Variants in ATG16L2 observed in about 807,000 individuals in gnomAD.
ATG16L2 encodes the protein autophagy related 16 like 2.
In ATG16L2, 77 loss-of-function variants were observed where a neutral mutation model predicts 84.7. That is an observed-to-expected ratio of 0.91 (90% CI 0.76 to 1.10). ATG16L2 has a LOEUF of 1.10. Ranked by LOEUF, ATG16L2 falls within the 50% of genes least tolerant of loss-of-function variation. The pLI is 0.00. For synonymous variants in ATG16L2, 361 were observed against 342.8 expected (o/e 1.05, Z -0.59); for missense variants, 782 against 817.6 (o/e 0.96, Z 0.53).
chr11:72,817,367 T>C (rs1054654870), intron 2 of ATG16L2, among the ~76,000 whole-genome samples: 5 of 152,040 alleles, frequency 3.3e-5, no homozygotes, highest in African/African-American at 1.2e-4. Context: ...TCCTGGAACG[T>C]GCACCACCAC....
At chr11:72,824,371 C>T in intron 8 of ATG16L2, 1 of 584,924 alleles carries the variant, frequency 1.7e-6, no homozygotes, top group Non-Finnish European at 3.0e-6. Flanking sequence ...CCAAGAGCTC[C>T]AGCCTCAGGC....
At position 72,822,397 on chromosome 11, in the gene ATG16L2, C is replaced by G; in HGVS notation, c.645-81C>G. ...GAAGGGAGGGGGGCAGCAGCCGCCC[C>G]CTGGAGGAAGGGACCGGGTCTAGCC... On this transcript the variant is annotated intron_variant, in intron 5 of 17. Transcript: ENST00000321297. The surrounding 1 kb of genome is among the most constrained non-coding windows in gnomAD (Gnocchi z 4.2). 6.3e-7 allele frequency: 1 copy of G among 1,598,686 alleles called. No homozygotes were observed. Among genetic ancestry groups the G allele is most frequent in the Non-Finnish European group, 8.5e-7 (1 of 1,172,716 alleles).
chr11:72,830,830 A>G (rs986873168), downstream of ATG16L2, among the ~76,000 whole-genome samples: 3 of 151,978 alleles, frequency 2.0e-5, no homozygotes, highest in South Asian at 2.1e-4. Flanking sequence ...ATGTCTCACT[A>G]TGTTGCCCAG....
At chr11:72,829,069 TC>T in intron 17 of ATG16L2, 85 bp downstream of exon 17, 1 of 1,399,372 alleles carries the variant, frequency 7.1e-7, no homozygotes. Flanking sequence ...GACCCTGGAG[TC>T]CCCAGCCCTT....
chr11:72,819,881 G>A (rs1033965728), intron 3 of ATG16L2, among the ~76,000 whole-genome samples: 6 of 152,048 alleles, frequency 3.9e-5, no homozygotes, highest in Non-Finnish European at 8.8e-5. Flanking sequence ...GAGTAGCTGG[G>A]ACTACAGGCG....
downstream of ATG16L2, among the ~76,000 whole-genome samples, chr11:72,832,901 T>A (rs1860638084): frequency 1.3e-5 from 2 of 152,166 alleles, 1 homozygote; most frequent in Admixed American, 1.3e-4. Context: ...TTCCAGGCGC[T>A]CATATCCCCA....
intron 1 of ATG16L2, among the ~76,000 whole-genome samples, chr11:72,815,343 A>G (rs1859645939): frequency 6.6e-6 from 1 of 152,110 alleles, no homozygotes; most frequent in East Asian, 1.9e-4. Context: ...CCACAATCAA[A>G]TCTGCTCTTA....
Position 72,817,932 on chromosome 11 carries a change from G to A in ATG16L2, c.318+77G>A. 3 of 1,264,422 alleles carry A rather than the reference G, an allele frequency of 2.4e-6. No individual in the cohort carries two copies. The South Asian group carries it at 4.1e-5, about 17-fold the overall frequency. The allele number at this position is 1,264,422 out of a possible 1,614,324, so 78.3% of individuals were successfully genotyped here. A position where few individuals can be genotyped will look rare whatever the true frequency, so the allele number is the denominator to read the frequency against. ...GCCAGCCAGTGACGGGTACTCCTGTGTTTGCTGAATTCTCCAAGCCCAGTG... is the reference window on the plus strand; with the variant it reads ...GCCAGCCAGTGACGGGTACTCCTGTATTTGCTGAATTCTCCAAGCCCAGTG... On this transcript the variant is annotated intron_variant, in intron 3 of 17. Coordinates refer to ENST00000321297, the MANE Select transcript of ATG16L2 (RefSeq NM_033388.2).
chr11:72,817,919 C>G, intron 3 of ATG16L2, 64 bp downstream of exon 3: 2 of 1,402,230 alleles, frequency 1.4e-6, no homozygotes, highest in East Asian at 4.7e-5. Context: ...CAGCCAGTGA[C>G]GGGTACTCCT....
intron 10 of ATG16L2, among the ~76,000 whole-genome samples, chr11:72,825,626 A>G (rs576197786): frequency 6.6e-6 from 1 of 152,186 alleles, no homozygotes; most frequent in Admixed American, 6.5e-5. Flanking sequence ...GATTTGCAGG[A>G]TGGGGAGGGC....
Position 72,822,163 on chromosome 11 carries a change from G to C in ATG16L2, c.512G>C (p.Arg171Pro). 6.7e-7 allele frequency: 1 copy of C among 1,491,370 alleles called. No homozygotes were observed. Among genetic ancestry groups the C allele is most frequent in the Non-Finnish European group, 8.8e-7 (1 of 1,131,222 alleles). The allele number at this position is 1,491,370 out of a possible 1,614,324, so 92.4% of individuals were successfully genotyped here. A position where few individuals can be genotyped will look rare whatever the true frequency, so the allele number is the denominator to read the frequency against. The change falls in exon 5 of 18, where the codon CGC (arginine) becomes CCC (proline). Residue 171 changes from arginine to proline, a missense_variant. Transcript: ENST00000321297. This position sits in a 1 kb window ranked among gnomAD's most constrained non-coding sequence, Gnocchi z 4.2. ...CAGCGGGCAGCCTACGAGGCGCTGC[G>C]CGCGCACGTCGGGCTCCGGGAGGCG... ...AVQRAAYEAL[R>P]AHVGLREAAL... is the part of the protein sequence containing the mutation.
At position 72,824,021 on chromosome 11, in the gene ATG16L2, A is replaced by G. The variant is rs780150270; in HGVS notation, c.825-39A>G. 3.1e-6 allele frequency: 5 copies of G among 1,610,780 alleles called. No individual in the cohort carries two copies. In the Admixed American group the frequency reaches 8.3e-5, roughly 27 times the overall value. ...ATGGACAGCCATTTGTACACACACC[A>G]GCCAGTCCCTTAGCATATCTCTCTT... On this transcript the variant is annotated intron_variant, in intron 7 of 17. Coordinates refer to ENST00000321297, the MANE Select transcript of ATG16L2 (RefSeq NM_033388.2).
chr11:72,826,114 T>C, intron 10 of ATG16L2, 59 bp from the exon 11 acceptor site: 1 of 1,409,754 alleles, frequency 7.1e-7, no homozygotes, highest in South Asian at 1.2e-5. Flanking sequence ...CAATCCCAAT[T>C]CCTCCATTTT....
intron 7 of ATG16L2, chr11:72,823,762 G>A (rs774270734): frequency 1.9e-6 from 1 of 525,022 alleles, no homozygotes. Flanking sequence ...TCTCCTCCCT[G>A]TAGGCCCCGG....
chr11:72,820,858 C>T (rs1227343841), intron 3 of ATG16L2, among the ~76,000 whole-genome samples: 2 of 152,106 alleles, frequency 1.3e-5, no homozygotes, highest in African/African-American at 4.8e-5. Context: ...GAAGGCATGA[C>T]GAGTGAGGCG....
intron 5 of ATG16L2, chr11:72,842,541 C>T: frequency 1.3e-6 from 2 of 1,568,984 alleles, no homozygotes; most frequent in East Asian, 2.2e-5. Flanking sequence ...CTGCAGCCCA[C>T]TTTTGTGTGG....
chr11:72,843,435 G>A (rs773371766), exon 6 of ATG16L2: 1 of 1,609,244 alleles, frequency 6.2e-7, no homozygotes, highest in South Asian at 1.1e-5. Flanking sequence ...GGCGATATGA[G>A]CAAAGGAATA....
chr11:72,824,693 C>T (rs1860230240), intron 8 of ATG16L2, 41 bp from the exon 9 acceptor site: 3 of 1,494,516 alleles, frequency 2.0e-6, no homozygotes, highest in African/African-American at 1.4e-5. Flanking sequence ...CTGAGAAGGA[C>T]TTGCTGAATG....
chr11:72,828,392 G>C lies in ATG16L2; in HGVS notation c.1506G>C (p.Gln502His). Residue 502 changes from glutamine to histidine, a missense_variant, in exon 15 of 18, where the codon CAG (glutamine) becomes CAC (histidine). By Grantham distance (24) the Gln-to-His change is conservative (BLOSUM62 0). Transcript: ENST00000321297. ...GPHCTQVIPV[Q>H]GRVTSLSLSH... ...ACTGCACCCAGGTCATCCCTGTGCA[G>C]GGCCGGGTCACCTCCCTGAGCCTCA... 1 of 1,614,168 alleles carries C rather than the reference G, an allele frequency of 6.2e-7. No homozygotes were observed. Among genetic ancestry groups the C allele is most frequent in the Non-Finnish European group, 8.5e-7 (1 of 1,180,032 alleles).
Sources: allele counts gnomAD v4.1 joint callset (sites outside exome capture counted in the v4.1 genomes callset), GRCh38; gene constraint gnomAD v4.1.1; non-coding constraint Gnocchi (gnomAD v3.1); transcripts MANE v1.5; gene names NCBI Gene and HGNC (gene_info 2026-07-23, HGNC 2026-07-21).